GRAMD4: variants seen among roughly 807,000 people sequenced by gnomAD.
The protein encoded by GRAMD4 is GRAM domain-containing protein 4.
Under a neutral mutation model 83.9 loss-of-function variants are expected in GRAMD4, and 25 were observed. That is an observed-to-expected ratio of 0.30 (90% CI 0.22 to 0.42). The LOEUF is 0.42. GRAMD4 is among the 10% of genes least tolerant of loss of function. The probability of loss-of-function intolerance (pLI) is 1.00; values close to 1 mark genes in which losing one functional copy is unlikely to be tolerated. For missense variants in GRAMD4, 593 were observed against 788.7 expected, an observed-to-expected ratio of 0.75 and a Z score of 2.97; for synonymous variants, 336 against 320.9, an observed-to-expected ratio of 1.05 and a Z score of -0.50.
At chr22:46,597,236 T>G (rs760951180) in intron 1 of GRAMD4, among the ~76,000 whole-genome samples, 7 of 152,288 alleles carry the variant, frequency 4.6e-5, no homozygotes, top group Non-Finnish European at 1.0e-4. Context: ...GTGTCCCTCC[T>G]GGCAGGAGGC....
Position 46,663,185 on chromosome 22 carries a change from C to G in GRAMD4, c.599+13C>G. ...TGAGCGCCCGCAGGTAGGGGTTCGC[C>G]GAGCTGGGGCTGCCTGTGCGTTAGG... On this transcript the variant is annotated intron_variant, in intron 6 of 18. Coordinates refer to ENST00000406902, the MANE Select transcript of GRAMD4 (RefSeq NM_015124.5). 6.2e-7 allele frequency: 1 copy of G among 1,606,674 alleles called. No homozygotes were observed. The highest frequency in any genetic ancestry group is 8.5e-7 in the Non-Finnish European group (1 of 1,175,860).
At chr22:46,591,075 A>G (rs1331649001) in intron 1 of GRAMD4, among the ~76,000 whole-genome samples, 7 of 149,852 alleles carry the variant, frequency 4.7e-5, no homozygotes, top group Admixed American at 4.6e-4. Flanking sequence ...AAAAAGAAAA[A>G]AAAACAAACA....
chr22:46,596,546 T>A (rs931578530), intron 1 of GRAMD4, among the ~76,000 whole-genome samples: 2 of 152,228 alleles, frequency 1.3e-5, no homozygotes, highest in Non-Finnish European at 2.9e-5. Flanking sequence ...TAGCCTTTTT[T>A]ATTTTTTTCT....
At chr22:46,608,697 G>C (rs560277767) in intron 1 of GRAMD4, among the ~76,000 whole-genome samples, 1 of 151,838 alleles carries the variant, frequency 6.6e-6, no homozygotes, top group African/African-American at 2.4e-5. Context: ...GTGTGTGTGC[G>C]TAGCTGGCCA....
chr22:46,666,801 G>A (rs193187892), intron 9 of GRAMD4, 24 bp from the exon 10 acceptor site: 17 of 1,604,102 alleles, frequency 1.1e-5, no homozygotes, highest in Non-Finnish European at 1.4e-5. Flanking sequence ...TGTCCTAAAG[G>A]TGTGTGTGTT....
rs2147436459 is a variant in GRAMD4, at chr22:46,677,533, A to G, written c.*282A>G. The stretch of plus-strand genomic sequence containing the variant: ...GGCAGAGGCCCTCGGGGGCCCGTGG[A>G]GAAGACACACAGGACCCCTGGCCCT... On this transcript the variant is annotated 3_prime_UTR_variant, in exon 19 of 19. Coordinates refer to ENST00000406902, the MANE Select transcript of GRAMD4 (RefSeq NM_015124.5). The G allele has an allele frequency of 2.5e-6, 3 of 1,195,062 alleles. No individual in the cohort carries two copies. In the East Asian group the frequency reaches 1.2e-4, roughly 46 times the overall value. 74.0% of individuals were successfully genotyped at this position (1,195,062 alleles called of 1,614,324 possible). A position where few individuals can be genotyped will look rare whatever the true frequency, so the allele number is the denominator to read the frequency against.
chr22:46,611,890 G>A (rs1253784341), intron 1 of GRAMD4, among the ~76,000 whole-genome samples: 2 of 150,714 alleles, frequency 1.3e-5, no homozygotes, highest in Non-Finnish European at 3.0e-5. Flanking sequence ...CCAGCTACAC[G>A]GGAGGCTGAG....
At chr22:46,671,650 C>T (rs13053940) in intron 13 of GRAMD4, among the ~76,000 whole-genome samples, 12,922 of 137,438 alleles carry the variant, frequency 0.094, 751 homozygotes, top group African/African-American at 0.19. Context: ...AGCAAGACTC[C>T]GTCTCAAAAA....
In GRAMD4 at chr22:46,661,315, G is replaced by C. The variant is rs2748337; in HGVS notation, c.405-66G>C. On this transcript the variant is annotated intron_variant, in intron 4 of 18. Coordinates refer to ENST00000406902, the MANE Select transcript of GRAMD4 (RefSeq NM_015124.5). ...TACACGGTCGCGAGAGCCCTCGGGGGTGCCTGACTGGGCATGGAGTTTGGA... is the reference window on the plus strand; with the variant it reads ...TACACGGTCGCGAGAGCCCTCGGGGCTGCCTGACTGGGCATGGAGTTTGGA... 2,920 of 1,286,074 alleles carry C rather than the reference G, an allele frequency of 2.3e-3. 49 individuals are homozygous for C. In the African/African-American group the frequency reaches 0.038, roughly 17 times the overall value. 79.7% of individuals were successfully genotyped at this position (1,286,074 alleles called of 1,614,324 possible).
chr22:46,662,960 C>T (rs2082350595), intron 5 of GRAMD4, 80 bp from the exon 6 acceptor site: 2 of 1,401,056 alleles, frequency 1.4e-6, no homozygotes, highest in Non-Finnish European at 1.9e-6. Flanking sequence ...AGGCCCCTCC[C>T]TGCCCTGAGA....
rs1425399398 is a variant in GRAMD4 at position 46,678,881 on chromosome 22, C to T, written c.*1630C>T. 33 of 985,768 alleles carry T rather than the reference C, an allele frequency of 3.3e-5. No individual in the cohort carries two copies. The highest frequency in any genetic ancestry group is 5.2e-5 in the African/African-American group (3 of 57,238). The allele number at this position is 985,768 out of a possible 1,614,324, so 61.1% of individuals were successfully genotyped here. A position where few individuals can be genotyped will look rare whatever the true frequency, so the allele number is the denominator to read the frequency against. On this transcript the variant is annotated 3_prime_UTR_variant, in exon 19 of 19. Transcript: ENST00000406902. ...GATTAAGCACATGTCCTATCCCAGG[C>T]GGTGGAGCGGAGCCCCCGTGGCTCT...
chr22:46,634,795 T>C (rs2081833935), intron 2 of GRAMD4, among the ~76,000 whole-genome samples: 2 of 151,898 alleles, frequency 1.3e-5, no homozygotes, highest in African/African-American at 4.8e-5. Flanking sequence ...ACAAAAAAAT[T>C]AGCCAGGTAT....
Position 46,653,277 on chromosome 22 carries a change from G to A in GRAMD4, c.284-4910G>A, listed in dbSNP as rs564672929. On this transcript the variant is annotated intron_variant, in intron 3 of 18. Transcript: ENST00000406902. ...AGGCATCCTTTGGGCTCTGAGCAGC[G>A]AGCATGGCGGGGCTCTGGCGTTCAC... Among the ~76,000 whole-genome samples the A allele has an allele frequency of 1.7e-4, 26 of 152,354 alleles. No individual in the cohort carries two copies. In the East Asian group the frequency reaches 4.8e-3, roughly 28 times the overall value.
chr22:46,653,014 C>T (rs549749810), intron 3 of GRAMD4, among the ~76,000 whole-genome samples: 1 of 152,326 alleles, frequency 6.6e-6, no homozygotes, highest in East Asian at 1.9e-4. Context: ...GAGACAGCAG[C>T]TTGGCCTTGC....
At position 46,678,875 on chromosome 22, in the gene GRAMD4, C is replaced by T. The variant is rs901148283; in HGVS notation, c.*1624C>T. On this transcript the variant is annotated 3_prime_UTR_variant, in exon 19 of 19. Coordinates refer to ENST00000406902, the MANE Select transcript of GRAMD4 (RefSeq NM_015124.5). ...TCACCAGATTAAGCACATGTCCTAT[C>T]CCAGGCGGTGGAGCGGAGCCCCCGT... is the stretch of plus-strand genomic sequence containing the variant. The T allele has an allele frequency of 2.0e-6, 2 of 985,970 alleles. No homozygotes were observed. The highest frequency in any genetic ancestry group is 1.2e-6 in the Non-Finnish European group (1 of 829,992). 61.1% of individuals were successfully genotyped at this position (985,970 alleles called of 1,614,324 possible). A position where few individuals can be genotyped will look rare whatever the true frequency, so the allele number is the denominator to read the frequency against.
rs12158910 is a variant in GRAMD4 at position 46,620,985 on chromosome 22, A to G, written c.-50+420A>G. ...GGAGTTGCAGGGGCCCTGGGCTGCC[A>G]GGGGTGGGCCTGTAGGTGCAGGTGG... On this transcript the variant is annotated intron_variant, in intron 1 of 18. Coordinates refer to ENST00000406902, the MANE Select transcript of GRAMD4 (RefSeq NM_015124.5). This position sits in a 1 kb window ranked among gnomAD's most constrained non-coding sequence, Gnocchi z 4.7. Among the ~76,000 whole-genome samples, 1,973 of 149,588 alleles carry G rather than the reference A, an allele frequency of 0.013. 44 individuals are homozygous for G. Among genetic ancestry groups the G allele is most frequent in the African/African-American group, 0.046 (1,876 of 41,026 alleles).
At chr22:46,598,633 G>A (rs909457801) in intron 1 of GRAMD4, among the ~76,000 whole-genome samples, 2 of 152,012 alleles carry the variant, frequency 1.3e-5, no homozygotes, top group African/African-American at 4.8e-5. Flanking sequence ...AGGTATATGG[G>A]GGTCTGCTTG....
At chr22:46,636,540 T>A (rs2081890858) in intron 2 of GRAMD4, among the ~76,000 whole-genome samples, 1 of 152,230 alleles carries the variant, frequency 6.6e-6, no homozygotes, top group African/African-American at 2.4e-5. Context: ...GCGTGGGTGA[T>A]ACATGTGCAA....
chr22:46,654,152 GTTGGA>G (rs2082207850), intron 3 of GRAMD4, among the ~76,000 whole-genome samples: 2 of 142,830 alleles, frequency 1.4e-5, no homozygotes, highest in African/African-American at 5.1e-5. Flanking sequence ...AATCGGGTCT[GTTGGA>G]GGTGGCTGGG....
Sources: allele counts gnomAD v4.1 joint callset (sites outside exome capture counted in the v4.1 genomes callset), GRCh38; gene constraint gnomAD v4.1.1; non-coding constraint Gnocchi (gnomAD v3.1); transcripts MANE v1.5; gene names NCBI Gene and HGNC (gene_info 2026-07-23, HGNC 2026-07-21).